The following SPIB variants were observed in gnomAD, a reference collection of about 807,000 sequenced individuals.
SPIB encodes the protein Spi-B transcription factor.
Under a neutral mutation model 31.9 loss-of-function variants are expected in SPIB, and 7 were observed. The ratio of observed to expected loss-of-function variants is 0.22; its 90% CI spans 0.12 to 0.41. The LOEUF (loss-of-function observed/expected upper bound fraction) is 0.41. Ranked by LOEUF, SPIB falls within the 10% of genes least tolerant of loss-of-function variation. SPIB has a pLI of 1.00. For missense variants in SPIB, 327 were observed against 360.2 expected, an observed-to-expected ratio of 0.91 and a Z score of 0.75; for synonymous variants, 176 against 158.9, an observed-to-expected ratio of 1.11 and a Z score of -0.81.
At chr19:50,419,211 C>T (rs940238135) in intron 1 of SPIB, among the ~76,000 whole-genome samples, 7 of 152,184 alleles carry the variant, frequency 4.6e-5, no homozygotes, top group African/African-American at 1.7e-4. Flanking sequence ...TCTCATTTCC[C>T]CAGAACACTT....
In SPIB at chr19:50,422,817, C is replaced by A; in HGVS notation, c.125-6C>A. 6.5e-7 allele frequency: 1 copy of A among 1,542,402 alleles called. No individual in the cohort carries two copies. Among genetic ancestry groups the A allele is most frequent in the Non-Finnish European group, 8.8e-7 (1 of 1,140,456 alleles). On this transcript the variant is annotated splice_region_variant and splice_polypyrimidine_tract_variant and intron_variant, in intron 3 of 5. Transcript: ENST00000595883. ...CCCAGCTTCTGACTCAGTGCCCTTC[C>A]CCCAGACTCCCTGTGGGACTGGACT...
intron 2 of SPIB, among the ~76,000 whole-genome samples, chr19:50,421,042 AG>A (rs1331730151): frequency 6.6e-6 from 1 of 152,216 alleles, no homozygotes; most frequent in Non-Finnish European, 1.5e-5. Context: ...CTTGCTGTAT[AG>A]TACTCTATCT....
chr19:50,422,403 G>T, intron 2 of SPIB, 70 bp from the exon 3 acceptor site: 4 of 1,415,726 alleles, frequency 2.8e-6, no homozygotes, highest in Non-Finnish European at 3.0e-6. Context: ...TCTCCCCAAG[G>T]GTCCAGGGTG....
Position 50,421,917 on chromosome 19 carries a change from T to C in SPIB, c.52-556T>C, listed in dbSNP as rs984227094. Among the ~76,000 whole-genome samples, 129 of 152,008 alleles carry C rather than the reference T, an allele frequency of 8.5e-4. 1 individual carries two copies. The highest frequency in any genetic ancestry group is 2.6e-4 in the Non-Finnish European group (18 of 67,994). On this transcript the variant is annotated intron_variant, in intron 2 of 5. Transcript: ENST00000595883. ...GGCGTGCGCCACCACGCCTAGCTAA[T>C]TTTTGTATTTTTAGTAGAGACGGGA...
chr19:50,419,081 G>A (rs1037178736), intron 1 of SPIB, 96 bp downstream of exon 1: 16 of 1,458,578 alleles, frequency 1.1e-5, no homozygotes, highest in African/African-American at 5.6e-5. Flanking sequence ...TGCTCCTCAC[G>A]GCCGGTGGGT....
At chr19:50,426,901 G>A (rs938128030) in intron 5 of SPIB, among the ~76,000 whole-genome samples, 3 of 151,928 alleles carry the variant, frequency 2.0e-5, no homozygotes, top group Non-Finnish European at 4.4e-5. Context: ...AGGCCGAGGT[G>A]GGAGGATCAC....
chr19:50,423,204 C>CA (rs59236153), intron 4 of SPIB, 167 bp downstream of exon 4: 118,564 of 283,534 alleles, frequency 0.42, 24,116 homozygotes, highest in Admixed American at 0.53. Context: ...GACCCTGTCT[C>CA]AAAAAAAAAA....
chr19:50,426,577 TCTGC>T (rs2039567807), intron 5 of SPIB, among the ~76,000 whole-genome samples: 1 of 152,126 alleles, frequency 6.6e-6, no homozygotes, highest in Non-Finnish European at 1.5e-5. Flanking sequence ...CACTGCAACC[TCTGC>T]CTCCTGGGCT....
chr19:50,427,870 C>CA (rs1005030379), intron 5 of SPIB, among the ~76,000 whole-genome samples, 168 bp from the exon 6 acceptor site: 1 of 148,694 alleles, frequency 6.7e-6, no homozygotes, highest in Non-Finnish European at 1.5e-5. Context: ...CCCCCCCCCC[C>CA]CCCGTGGTGA....
chr19:50,419,757 C>CCCCCCCA (rs2039466154), intron 1 of SPIB, 189 bp from the exon 2 acceptor site: 1 of 491,470 alleles, frequency 2.0e-6, no homozygotes, highest in Admixed American at 4.4e-5. Context: ...ACATTTGCCT[C>CCCCCCCA]CCCCCCACCC....
chr19:50,426,089 A>G (rs914569750), intron 5 of SPIB, among the ~76,000 whole-genome samples: 6 of 152,084 alleles, frequency 3.9e-5, no homozygotes, highest in Non-Finnish European at 8.8e-5. Context: ...CACGCCTGTA[A>G]TCCCAGCTAC....
Position 50,429,074 on chromosome 19 carries a change from C to G in SPIB, c.*738C>G, listed in dbSNP as rs755876682. On this transcript the variant is annotated 3_prime_UTR_variant, in exon 6 of 6. Transcript: ENST00000595883. ...TCAGTGAAATGTGTCATGTCTGGGC[C>G]CTGTCAGGGACACCCTTGTTATATC... The G allele has an allele frequency of 1.5e-4, 23 of 152,052 alleles. No homozygotes were observed. The highest frequency in any genetic ancestry group is 2.5e-4 in the Non-Finnish European group (17 of 68,072). The allele number at this position is 152,052 out of a possible 1,614,324, so 9.4% of individuals were successfully genotyped here.
At chr19:50,425,776 G>A (rs1338561464) in intron 5 of SPIB, among the ~76,000 whole-genome samples, 1 of 152,118 alleles carries the variant, frequency 6.6e-6, no homozygotes, top group Non-Finnish European at 1.5e-5. Context: ...TAGGTCCTGG[G>A]GCATACATGG....
chr19:50,426,796 C>A (rs2039570075), intron 5 of SPIB, among the ~76,000 whole-genome samples: 1 of 151,752 alleles, frequency 6.6e-6, no homozygotes, highest in African/African-American at 2.4e-5. Flanking sequence ...CGCCCAGCCT[C>A]CAACTTATAC....
At chr19:50,426,518 G>C (rs1343706990) in intron 5 of SPIB, among the ~76,000 whole-genome samples, 3 of 152,068 alleles carry the variant, frequency 2.0e-5, no homozygotes, top group Non-Finnish European at 4.4e-5. Context: ...TTTTGAGAGG[G>C]AGTTTCGCTC....
Position 50,423,619 on chromosome 19 carries a change from G to T in SPIB, c.354G>T (p.Pro118=), listed in dbSNP as rs1467481581. The part of the protein sequence containing the change: ...ENFASQTLVP[P]AYAPYPSPVL... The stretch of plus-strand genomic sequence containing the variant: ...ACCTTCCGCAGACCCTGGTTCCCCC[G>T]GCATATGCCCCGTACCCCAGCCCTG... The change falls in exon 5 of 6, where the codon CCG becomes CCT. Residue 118 remains proline, a synonymous_variant. Transcript: ENST00000595883. The T allele has an allele frequency of 6.2e-7, 1 of 1,613,718 alleles. No homozygotes were observed. The highest frequency in any genetic ancestry group is 1.3e-5 in the African/African-American group (1 of 74,928).
At chr19:50,424,759 G>A (rs1050520648) in intron 5 of SPIB, among the ~76,000 whole-genome samples, 15 of 150,628 alleles carry the variant, frequency 1.0e-4, no homozygotes, top group South Asian at 4.2e-4. Flanking sequence ...CCAGCCTGGC[G>A]ACAGAGTAAG....
At chr19:50,422,242 A>C (rs772505439) in intron 2 of SPIB, among the ~76,000 whole-genome samples, 1 of 152,170 alleles carries the variant, frequency 6.6e-6, no homozygotes, top group African/African-American at 2.4e-5. Context: ...CCGTCTTAGC[A>C]GGAGCTGGCT....
At chr19:50,423,577 A>G in intron 4 of SPIB, 28 bp from the exon 5 acceptor site, 1 of 1,606,206 alleles carries the variant, frequency 6.2e-7, no homozygotes, top group East Asian at 2.2e-5. Context: ...GGGTCCCTGG[A>G]CATGCAGGTG....
Sources: allele counts gnomAD v4.1 joint callset (sites outside exome capture counted in the v4.1 genomes callset), GRCh38; gene constraint gnomAD v4.1.1; transcripts MANE v1.5; gene names NCBI Gene and HGNC (gene_info 2026-07-23, HGNC 2026-07-21).